LSAMP: variants seen among roughly 807,000 people sequenced by gnomAD.
LSAMP encodes the protein limbic system-associated membrane protein.
In LSAMP, 7 loss-of-function variants were observed where a neutral mutation model predicts 38.6. The ratio of observed to expected loss-of-function variants is 0.18; its 90% CI spans 0.10 to 0.34. The LOEUF is 0.34. Among genes scored for constraint, LSAMP ranks in the 10% least tolerant of loss-of-function variants. The pLI is 1.00. For missense variants in LSAMP, 313 were observed against 420.0 expected, an observed-to-expected ratio of 0.75 and a Z score of 2.23; for synonymous variants, 154 against 166.8, an observed-to-expected ratio of 0.92 and a Z score of 0.59.
intron 6 of LSAMP, among the ~76,000 whole-genome samples, chr3:115,825,741 A>G (rs1453636172): frequency 6.6e-6 from 1 of 152,210 alleles, no homozygotes; most frequent in African/African-American, 2.4e-5. Flanking sequence ...GTATTCGTAT[A>G]AGGTATAAAG....
At chr3:116,043,028 T>C (rs566104440) in intron 2 of LSAMP, among the ~76,000 whole-genome samples, 2 of 152,302 alleles carry the variant, frequency 1.3e-5, no homozygotes, top group South Asian at 4.1e-4. Context: ...TTGGGCTAGA[T>C]AATTATTTGT....
At chr3:116,246,942 A>G (rs1241536331) in intron 1 of LSAMP, among the ~76,000 whole-genome samples, 1 of 152,156 alleles carries the variant, frequency 6.6e-6, no homozygotes, top group Non-Finnish European at 1.5e-5. Flanking sequence ...GACACTTTGA[A>G]ATCAACAAGG....
At chr3:116,175,470 A>C (rs1219881036) in intron 1 of LSAMP, among the ~76,000 whole-genome samples, 1 of 152,048 alleles carries the variant, frequency 6.6e-6, no homozygotes, top group Non-Finnish European at 1.5e-5. Flanking sequence ...GGTATAGAAC[A>C]CTATAACTTA....
intron 1 of LSAMP, among the ~76,000 whole-genome samples, chr3:116,103,441 G>C (rs368440791): frequency 6.9e-6 from 1 of 144,314 alleles, no homozygotes; most frequent in African/African-American, 2.6e-5. Context: ...CTCCAGCCTG[G>C]GTGACAGAGT....
At chr3:115,873,643 C>T (rs1390127109) in intron 3 of LSAMP, among the ~76,000 whole-genome samples, 1 of 151,980 alleles carries the variant, frequency 6.6e-6, no homozygotes, top group African/African-American at 2.4e-5. Flanking sequence ...ATTTGGGGAA[C>T]CTGAGTTCAT....
chr3:116,197,333 C>A (rs1468001), intron 1 of LSAMP, among the ~76,000 whole-genome samples: 2 of 152,210 alleles, frequency 1.3e-5, no homozygotes, highest in Admixed American at 1.3e-4. Context: ...TCCTTCCAAA[C>A]GTCTCACCTC....
chr3:116,406,813 G>A (rs1374537124), intron 1 of LSAMP, among the ~76,000 whole-genome samples: 2 of 151,774 alleles, frequency 1.3e-5, no homozygotes, highest in African/African-American at 4.8e-5. Flanking sequence ...GTAACAGGGA[G>A]ACTGAGAGAA....
chr3:116,440,764 A>G (rs2049422447), intron 1 of LSAMP, among the ~76,000 whole-genome samples: 1 of 152,254 alleles, frequency 6.6e-6, no homozygotes, highest in East Asian at 1.9e-4. Flanking sequence ...TTACAGTATC[A>G]GGGCTAACCA....
At chr3:116,133,648 T>A (rs922150961) in intron 1 of LSAMP, among the ~76,000 whole-genome samples, 1 of 152,142 alleles carries the variant, frequency 6.6e-6, no homozygotes, top group Non-Finnish European at 1.5e-5. Context: ...AATACCTACG[T>A]AATTATTTCA....
At chr3:116,237,644 T>C (rs1003189725) in intron 1 of LSAMP, among the ~76,000 whole-genome samples, 2 of 143,188 alleles carry the variant, frequency 1.4e-5, no homozygotes, top group Non-Finnish European at 3.0e-5. Context: ...ACTTGAGTCC[T>C]CGCCATAAAC....
chr3:115,822,326 C>G (rs959317317), intron 6 of LSAMP, among the ~76,000 whole-genome samples: 2 of 147,776 alleles, frequency 1.4e-5, no homozygotes, highest in African/African-American at 5.0e-5. Context: ...ATATTTTTTT[C>G]TTTTCTTTCT....
intron 1 of LSAMP, among the ~76,000 whole-genome samples, chr3:116,285,030 CAAAT>C (rs1052181665): frequency 6.6e-6 from 1 of 152,232 alleles, no homozygotes; most frequent in Admixed American, 6.5e-5. Flanking sequence ...CTTTCAAAGA[CAAAT>C]AACAGAAACA....
intron 1 of LSAMP, among the ~76,000 whole-genome samples, chr3:116,157,675 CTT>C (rs1162291018): frequency 1.3e-5 from 2 of 151,966 alleles, no homozygotes; most frequent in Admixed American, 6.6e-5. Flanking sequence ...AATCCCTAAA[CTT>C]ATCAATAATG....
At chr3:115,854,686 C>T (rs1338972830) in intron 3 of LSAMP, among the ~76,000 whole-genome samples, 2 of 152,034 alleles carry the variant, frequency 1.3e-5, no homozygotes, top group African/African-American at 4.8e-5. Flanking sequence ...ATTAATTGGG[C>T]AGGATTTAGG....
intron 2 of LSAMP, chr3:116,051,123 A>C (rs1202113531): frequency 6.6e-6 from 1 of 152,240 alleles, no homozygotes; most frequent in African/African-American, 2.4e-5. Context: ...TACAATTCAA[A>C]AAAAGAAGGA....
At chr3:116,127,931 T>C (rs977678346) in intron 1 of LSAMP, among the ~76,000 whole-genome samples, 1 of 152,156 alleles carries the variant, frequency 6.6e-6, no homozygotes, top group African/African-American at 2.4e-5. Context: ...GTAGAAGTTT[T>C]AAAATCTTTA....
intron 3 of LSAMP, among the ~76,000 whole-genome samples, chr3:115,887,726 T>C (rs531432909): frequency 6.6e-6 from 1 of 151,944 alleles, no homozygotes; most frequent in Non-Finnish European, 1.5e-5. Context: ...TGGGTATCTA[T>C]ATATATCCAC....
At chr3:115,846,514 T>C (rs1935164835) in intron 4 of LSAMP, among the ~76,000 whole-genome samples, 1 of 152,136 alleles carries the variant, frequency 6.6e-6, no homozygotes, top group African/African-American at 2.4e-5. Context: ...CTCTAATAGG[T>C]TTTAGATATC....
chr3:116,057,969 A>ACACACACACACCCC (rs1327081066), intron 2 of LSAMP, among the ~76,000 whole-genome samples: 40 of 145,490 alleles, frequency 2.7e-4, no homozygotes, highest in African/African-American at 9.5e-4. Context: ...ACACACACAC[A>ACACACACACACCCC]CACACACACA....
Sources: allele counts gnomAD v4.1 joint callset (sites outside exome capture counted in the v4.1 genomes callset), GRCh38; gene constraint gnomAD v4.1.1; transcripts MANE v1.5; gene names NCBI Gene and HGNC (gene_info 2026-07-23, HGNC 2026-07-21).